COL23A1: variants seen among roughly 807,000 people sequenced by gnomAD.
The protein encoded by COL23A1 is collagen type XXIII alpha 1 chain.
Under a neutral mutation model 99.3 loss-of-function variants are expected in COL23A1, and 97 were observed. That is an observed-to-expected ratio of 0.98 (90% confidence interval 0.83 to 1.16). The LOEUF (loss-of-function observed/expected upper bound fraction) is 1.16, where lower values mean the gene tolerates loss of function less well. Among genes scored for constraint, COL23A1 ranks in the 50% most tolerant of loss-of-function variants. COL23A1 has a pLI of 0.00. For synonymous variants in COL23A1, 320 were observed against 308.2 expected, an observed-to-expected ratio of 1.04 and a Z score of -0.40; for missense variants, 762 against 757.4, an observed-to-expected ratio of 1.01 and a Z score of -0.07.
At chr5:178,573,475 G>A (rs1763206583) in intron 1 of COL23A1, among the ~76,000 whole-genome samples, 1 of 152,216 alleles carries the variant, frequency 6.6e-6, no homozygotes, top group Admixed American at 6.5e-5. Context: ...GGCACACTGA[G>A]TGACTCTCTT....
chr5:178,410,913 T>C (rs543875820), intron 2 of COL23A1, among the ~76,000 whole-genome samples: 44 of 152,300 alleles, frequency 2.9e-4, no homozygotes, highest in African/African-American at 8.9e-4. Flanking sequence ...CTAGAATATA[T>C]AATCAAATTA....
At chr5:178,274,153 T>A (rs1756451773) in intron 5 of COL23A1, among the ~76,000 whole-genome samples, 1 of 152,218 alleles carries the variant, frequency 6.6e-6, no homozygotes, top group African/African-American at 2.4e-5. Context: ...CATTTTAGTT[T>A]GTGGGTCTTT....
chr5:178,254,851 C>T, intron 16 of COL23A1, 98 bp downstream of exon 16: 1 of 1,077,584 alleles, frequency 9.3e-7, no homozygotes, highest in Non-Finnish European at 1.4e-6. Context: ...CCTCTGGTCC[C>T]TTGTGTAAAA....
intron 2 of COL23A1, among the ~76,000 whole-genome samples, chr5:178,558,130 T>C (rs187034887): frequency 7.3e-5 from 11 of 151,496 alleles, no homozygotes; most frequent in African/African-American, 2.7e-4. Flanking sequence ...TCCCCCATGG[T>C]CTTCCCAAGA....
At chr5:178,456,881 T>G (rs1429765368) in intron 2 of COL23A1, among the ~76,000 whole-genome samples, 1 of 152,094 alleles carries the variant, frequency 6.6e-6, no homozygotes, top group Non-Finnish European at 1.5e-5. Flanking sequence ...TTCCCTGATT[T>G]CCCCTCCACA....
intron 2 of COL23A1, among the ~76,000 whole-genome samples, chr5:178,321,929 C>T (rs1255247519): frequency 6.6e-6 from 1 of 152,242 alleles, no homozygotes; most frequent in East Asian, 1.9e-4. Flanking sequence ...ATTCTTCTGC[C>T]TCAGCCTCCC....
chr5:178,261,676 A>G, intron 11 of COL23A1, 46 bp downstream of exon 11: 1 of 1,452,346 alleles, frequency 6.9e-7, no homozygotes, highest in Non-Finnish European at 9.7e-7. Context: ...GGGGGAGTCC[A>G]TCCCACCAGA....
chr5:178,319,358 G>A (rs907470024), intron 2 of COL23A1, among the ~76,000 whole-genome samples: 10 of 152,098 alleles, frequency 6.6e-5, no homozygotes, highest in Non-Finnish European at 1.2e-4. Flanking sequence ...TGAACTTAAC[G>A]AAGGCCAGGA....
At chr5:178,429,430 A>G (rs1160962355) in intron 2 of COL23A1, among the ~76,000 whole-genome samples, 3 of 152,230 alleles carry the variant, frequency 2.0e-5, no homozygotes, top group Non-Finnish European at 4.4e-5. Context: ...CACCATGCCA[A>G]AGCGAAAGTT....
At chr5:178,509,137 C>T (rs73342643) in intron 2 of COL23A1, among the ~76,000 whole-genome samples, 2,684 of 152,172 alleles carry the variant, frequency 0.018, 95 homozygotes, top group African/African-American at 0.061. Context: ...CCCCTGAGGG[C>T]TTGTCAGAAA....
In COL23A1 at chr5:178,434,106, T is replaced by C. The variant is rs1561968580; in HGVS notation, c.361+126576A>G. ...TGCCATCCCAACTGGTACTTTGTTATGGCAGCGCACACACTCACACACCCT... is the reference window on the plus strand; with the variant it reads ...TGCCATCCCAACTGGTACTTTGTTACGGCAGCGCACACACTCACACACCCT... On this transcript the variant is annotated intron_variant, in intron 2 of 28. Transcript: ENST00000390654. This position sits in a 1 kb window ranked among gnomAD's most constrained non-coding sequence, Gnocchi z 4.3. Among the ~76,000 whole-genome samples the C allele has an allele frequency of 6.6e-6, 1 of 152,246 alleles. No individual in the cohort carries two copies. The highest frequency in any genetic ancestry group is 2.4e-5 in the African/African-American group (1 of 41,460).
chr5:178,249,716 A>ACACACACTCACTCTCT, intron 18 of COL23A1, among the ~76,000 whole-genome samples: 272 of 92,778 alleles, frequency 2.9e-3, no homozygotes, highest in African/African-American at 0.01. Flanking sequence ...ACACACACAC[A>ACACACACTCACTCTCT]CTCTCTCTCT....
chr5:178,291,174 C>T (rs571145453), intron 3 of COL23A1, among the ~76,000 whole-genome samples: 1 of 152,160 alleles, frequency 6.6e-6, no homozygotes, highest in Non-Finnish European at 1.5e-5. Context: ...CACTAAGCCA[C>T]GCGGCTGCCA....
At chr5:178,547,099 T>C (rs1164919789) in intron 2 of COL23A1, among the ~76,000 whole-genome samples, 1 of 152,160 alleles carries the variant, frequency 6.6e-6, no homozygotes, top group Non-Finnish European at 1.5e-5. Flanking sequence ...AAATGTCAGC[T>C]GCAAAAGGTA....
In COL23A1 at chr5:178,335,142, G is replaced by A. The variant is rs73346806; in HGVS notation, c.362-28223C>T. 8.4e-3 allele frequency among the ~76,000 whole-genome samples: 1,278 copies of A among 152,334 alleles called. 19 individuals carry two copies. Among genetic ancestry groups the A allele is most frequent in the African/African-American group, 0.029 (1,215 of 41,562 alleles). On this transcript the variant is annotated intron_variant, in intron 2 of 28. Coordinates refer to ENST00000390654, the MANE Select transcript of COL23A1 (RefSeq NM_173465.4). ...GAAGTTGAGGAGGGCCTGCCCTGGT[G>A]CGCCAACCAAGGAGGCGTGTTCAGC...
intron 1 of COL23A1, among the ~76,000 whole-genome samples, chr5:178,569,523 TTAACAG>T (rs1290579044): frequency 1.9e-4 from 29 of 152,240 alleles, no homozygotes; most frequent in Non-Finnish European, 4.0e-4. Context: ...TCCTCTTTAG[TTAACAG>T]TAATTGTATT....
chr5:178,302,419 TGCGCCGGAGCACG>T (rs1758121103), intron 3 of COL23A1, among the ~76,000 whole-genome samples: 1 of 108,042 alleles, frequency 9.3e-6, no homozygotes. Context: ...CACCTGTGTG[TGCGCCGGAGCACG>T]GCTTCAATCC....
At chr5:178,352,408 G>A (rs1044362386) in intron 2 of COL23A1, among the ~76,000 whole-genome samples, 2 of 152,254 alleles carry the variant, frequency 1.3e-5, no homozygotes, top group East Asian at 3.8e-4. Context: ...AACTTCTGCT[G>A]AAGAATGAAC....
At chr5:178,402,108 G>A (rs1192763590) in intron 2 of COL23A1, among the ~76,000 whole-genome samples, 2 of 152,118 alleles carry the variant, frequency 1.3e-5, no homozygotes, top group East Asian at 1.9e-4. Flanking sequence ...GAGCCACCGC[G>A]CCCAGCTGCC....
Sources: allele counts gnomAD v4.1 joint callset (sites outside exome capture counted in the v4.1 genomes callset), GRCh38; gene constraint gnomAD v4.1.1; non-coding constraint Gnocchi (gnomAD v3.1); transcripts MANE v1.5; gene names NCBI Gene and HGNC (gene_info 2026-07-23, HGNC 2026-07-21).